The following RIMS3 variants were observed in gnomAD, a reference collection of about 807,000 sequenced individuals.
The protein encoded by RIMS3 is regulating synaptic membrane exocytosis protein 3.
Under a neutral mutation model 29.2 loss-of-function variants are expected in RIMS3, and 15 were observed. The ratio of observed to expected loss-of-function variants is 0.51; its 90% CI spans 0.34 to 0.79. RIMS3 has a LOEUF of 0.79. Among genes scored for constraint, RIMS3 ranks in the 30% least tolerant of loss-of-function variants. The probability of loss-of-function intolerance (pLI) is 0.01; values close to 1 mark genes in which losing one functional copy is unlikely to be tolerated. For synonymous variants in RIMS3, 161 were observed against 170.1 expected, an observed-to-expected ratio of 0.95 and a Z score of 0.41; for missense variants, 342 against 421.4, an observed-to-expected ratio of 0.81 and a Z score of 1.65.
chr1:40,688,497 C>G, the RIMS3 span, among the ~76,000 whole-genome samples: 1 of 152,050 alleles, frequency 6.6e-6, no homozygotes, highest in Non-Finnish European at 1.5e-5. Context: ...GCCAAGCTCA[C>G]AGAAACTTTT....
chr1:40,641,730 T>C lies in RIMS3; in HGVS notation c.196A>G (p.Thr66Ala). ...IVGLTQWSKS[T>A]LQLPQPEGAT... ...TCACCAGGCTGCGGAAGCTGGAGTG[T>C]GCTCTTGCTCCACTGAGTCAGGCCC... The change falls in exon 3 of 8, where the codon ACA becomes GCA. Residue 66 changes from threonine to alanine, a missense_variant. By Grantham distance (58) the Thr-to-Ala change is moderately conservative. Coordinates refer to ENST00000372684, the MANE Select transcript of RIMS3 (RefSeq NM_014747.3). 6.2e-7 allele frequency: 1 copy of C among 1,614,170 alleles called. No homozygotes were observed. The highest frequency in any genetic ancestry group is 8.5e-7 in the Non-Finnish European group (1 of 1,179,992).
At chr1:40,661,056 G>A (rs938985883) in intron 1 of RIMS3, among the ~76,000 whole-genome samples, 4 of 152,210 alleles carry the variant, frequency 2.6e-5, no homozygotes, top group African/African-American at 7.2e-5. Flanking sequence ...CCCAGGGCAG[G>A]TGGTCGCTCC....
the RIMS3 span, among the ~76,000 whole-genome samples, chr1:40,685,660 T>A: frequency 0.29 from 43,651 of 151,496 alleles, 7,484 homozygotes; most frequent in East Asian, 0.41. Context: ...GTATGGGAAG[T>A]AAGACCTCGG....
At chr1:40,673,121 A>C in the RIMS3 span, among the ~76,000 whole-genome samples, 1 of 152,126 alleles carries the variant, frequency 6.6e-6, no homozygotes, top group East Asian at 1.9e-4. Flanking sequence ...CGGAGGTTGC[A>C]GTGAGCCAAG....
chr1:40,631,655 G>A (rs1335026661), intron 5 of RIMS3, among the ~76,000 whole-genome samples: 3 of 152,026 alleles, frequency 2.0e-5, no homozygotes, highest in Non-Finnish European at 2.9e-5. Flanking sequence ...CTCCAGCCTG[G>A]TGACAGAGCG....
chr1:40,643,478 C>CTCT (rs550205021), intron 2 of RIMS3, among the ~76,000 whole-genome samples: 2 of 133,602 alleles, frequency 1.5e-5, no homozygotes, highest in African/African-American at 5.7e-5. Flanking sequence ...ATCTTTCTCT[C>CTCT]TTTTTTTTTT....
At chr1:40,667,811 C>T (rs768667330), upstream of RIMS3, among the ~76,000 whole-genome samples, 1 of 152,162 alleles carries the variant, frequency 6.6e-6, no homozygotes, top group Non-Finnish European at 1.5e-5. Context: ...TCCAGCCCCA[C>T]AAGGGAATTC....
intron 5 of RIMS3, among the ~76,000 whole-genome samples, chr1:40,630,070 CAAA>C (rs35370598): frequency 1.4e-4 from 15 of 103,674 alleles, no homozygotes; most frequent in African/African-American, 3.3e-4. Flanking sequence ...GACTCCGTCT[CAAA>C]AAAAAAAAAA....
intron 6 of RIMS3, 143 bp downstream of exon 6, chr1:40,629,128 C>G (rs774041561): frequency 1.9e-6 from 2 of 1,043,610 alleles, no homozygotes; most frequent in Non-Finnish European, 2.9e-6. Flanking sequence ...CTTACTCCCC[C>G]ACCTAGTCAC....
At position 40,626,464 on chromosome 1, in the gene RIMS3, G is replaced by T. The variant is rs1646454726; in HGVS notation, c.*53C>A. The T allele has an allele frequency of 6.8e-7, 1 of 1,470,248 alleles. No homozygotes were observed. Among genetic ancestry groups the T allele is most frequent in the African/African-American group, 1.4e-5 (1 of 71,624 alleles). The allele number at this position is 1,470,248 out of a possible 1,614,324, so 91.1% of individuals were successfully genotyped here. A position where few individuals can be genotyped will look rare whatever the true frequency, so the allele number is the denominator to read the frequency against. On this transcript the variant is annotated 3_prime_UTR_variant, in exon 8 of 8. Transcript: ENST00000372684. ...AAGACTATGTACAGGGGAGGACATG[G>T]GGCCAGCAGGCACCCCTCCCCACAC...
chr1:40,637,112 T>C (rs1646525196), intron 3 of RIMS3, among the ~76,000 whole-genome samples: 2 of 152,032 alleles, frequency 1.3e-5, no homozygotes, highest in Non-Finnish European at 2.9e-5. Context: ...TGGAGTTGCC[T>C]ACAGGGAGGG....
Position 40,636,192 on chromosome 1 carries a change from G to T in RIMS3, c.218-135C>A. 1 of 1,151,602 alleles carries T rather than the reference G, an allele frequency of 8.7e-7. No individual in the cohort carries two copies. Among genetic ancestry groups the T allele is most frequent in the Non-Finnish European group, 1.2e-6 (1 of 808,204 alleles). The allele number at this position is 1,151,602 out of a possible 1,614,324, so 71.3% of individuals were successfully genotyped here. A position where few individuals can be genotyped will look rare whatever the true frequency, so the allele number is the denominator to read the frequency against. On this transcript the variant is annotated intron_variant, in intron 3 of 7. Transcript: ENST00000372684. The surrounding 1 kb of genome is among the most constrained non-coding windows in gnomAD (Gnocchi z 4.2). ...GAGGATGAGCAGGGCTCTGACTGGAGGCAGGGGCATGGCTGAGCTGACCTC... is the reference window on the plus strand; with the variant it reads ...GAGGATGAGCAGGGCTCTGACTGGATGCAGGGGCATGGCTGAGCTGACCTC...
rs561455990 is a variant in RIMS3, at chr1:40,641,758, G to C, written c.168C>G (p.Ile56Met). Residue 56 changes from isoleucine (I) to methionine (M), a missense_variant, in exon 3 of 8, where the codon ATC (isoleucine) becomes ATG (methionine). By Grantham distance (10) the Ile-to-Met change is conservative. Coordinates refer to ENST00000372684, the MANE Select transcript of RIMS3 (RefSeq NM_014747.3). ...TCTTGCTCCACTGAGTCAGGCCCACGATGGCCACCATCTTGGCACCCAGGC... is the reference window on the plus strand; with the variant it reads ...TCTTGCTCCACTGAGTCAGGCCCACCATGGCCACCATCTTGGCACCCAGGC... ...RSSLGAKMVA[I>M]VGLTQWSKST... 1.2e-6 allele frequency: 2 copies of C among 1,613,804 alleles called. No homozygotes were observed. The highest frequency in any genetic ancestry group is 1.3e-5 in the African/African-American group (1 of 74,916).
rs200776965 is a variant in RIMS3, at chr1:40,641,699, G to T, written c.217+10C>A. 1,136 of 1,613,628 alleles carry T rather than the reference G, an allele frequency of 7.0e-4. 1 individual carries two copies. The highest frequency in any genetic ancestry group is 1.8e-3 in the Middle Eastern group (11 of 6,052). ...CCACCTCTACCCCGTGATGTCCCAT[G>T]CCCCCTCACCAGGCTGCGGAAGCTG... On this transcript the variant is annotated intron_variant, in intron 3 of 7. Transcript: ENST00000372684.
chr1:40,636,034 T>C lies in RIMS3; in HGVS notation c.241A>G (p.Ser81Gly). ...QPEGATKKLRSNIRRSTETGI... is the reference protein window; with the variant it reads ...QPEGATKKLRGNIRRSTETGI... ...GTCTCCGTGCTCCGGCGGATGTTGCTGCGCAGCTTCTTGGTGGCCCCTTCT... is the reference window on the plus strand; with the variant it reads ...GTCTCCGTGCTCCGGCGGATGTTGCCGCGCAGCTTCTTGGTGGCCCCTTCT... Residue 81 changes from serine (S) to glycine (G), a missense_variant, in exon 4 of 8, where the codon AGC (serine) becomes GGC (glycine). By Grantham distance (56) the Ser-to-Gly change is moderately conservative. Transcript: ENST00000372684. This position sits in a 1 kb window ranked among gnomAD's most constrained non-coding sequence, Gnocchi z 4.2. 1 of 1,605,442 alleles carries C rather than the reference T, an allele frequency of 6.2e-7. No individual in the cohort carries two copies. Among genetic ancestry groups the C allele is most frequent in the Non-Finnish European group, 8.5e-7 (1 of 1,179,946 alleles).
the RIMS3 span, among the ~76,000 whole-genome samples, chr1:40,685,849 A>G: frequency 6.6e-6 from 1 of 152,064 alleles, no homozygotes; most frequent in Non-Finnish European, 1.5e-5. Context: ...TTTAAAGAAA[A>G]AAAAAAAAAG....
chr1:40,644,976 G>C (rs1341087816), intron 2 of RIMS3, among the ~76,000 whole-genome samples: 2 of 152,212 alleles, frequency 1.3e-5, no homozygotes, highest in Admixed American at 1.3e-4. Flanking sequence ...GCTGAGAATG[G>C]TCACCTGGTC....
chr1:40,648,290 C>T (rs1277071415), intron 1 of RIMS3, among the ~76,000 whole-genome samples: 24 of 152,208 alleles, frequency 1.6e-4, no homozygotes, highest in South Asian at 2.1e-4. Context: ...GAACCATTCC[C>T]TCCATTCCCT....
In RIMS3 at chr1:40,665,550, C is replaced by T. The variant is rs936640277; in HGVS notation, c.-363G>A. ...GGCGCGGACTCCGAGTGGATAGGCA[C>T]GCGGGGCGGGGAGGGGCGGCGAGGG... On this transcript the variant is annotated 5_prime_UTR_variant, in exon 1 of 8. In the 5' UTR this introduces an upstream ATG that the reference lacks. Transcript: ENST00000372684. The T allele has an allele frequency of 6.6e-6, 1 of 152,132 alleles. No individual in the cohort carries two copies. The highest frequency in any genetic ancestry group is 2.4e-5 in the African/African-American group (1 of 41,448). The allele number at this position is 152,132 out of a possible 1,614,324, so 9.4% of individuals were successfully genotyped here.
Sources: gnomAD v4.1 joint callset for allele counts (sites outside exome capture counted in the v4.1 genomes callset) on GRCh38, gnomAD v4.1.1 for gene constraint, Gnocchi (gnomAD v3.1) non-coding constraint, MANE v1.5 for transcripts, NCBI Gene and HGNC (gene_info 2026-07-23, HGNC 2026-07-21) for gene names.